NEK4: variants seen among roughly 807,000 people sequenced by gnomAD.
NEK4 encodes the protein NIMA related kinase 4.
Under a neutral mutation model 98.4 loss-of-function variants are expected in NEK4, and 86 were observed. That is an observed-to-expected ratio of 0.87 (90% CI 0.73 to 1.05). The LOEUF (loss-of-function observed/expected upper bound fraction) is 1.05, where lower values mean the gene tolerates loss of function less well. Among genes scored for constraint, NEK4 ranks in the 50% least tolerant of loss-of-function variants. NEK4 has a pLI of 0.00. For missense variants in NEK4, 898 were observed against 950.3 expected (o/e 0.94, Z 0.72); for synonymous variants, 328 against 342.2 (o/e 0.96, Z 0.46).
At chr3:52,756,526 A>G (rs2097415393) in intron 6 of NEK4, among the ~76,000 whole-genome samples, 1 of 152,224 alleles carries the variant, frequency 6.6e-6, no homozygotes, top group South Asian at 2.1e-4. Context: ...TTCAACAAAT[A>G]GTGCTGAAAA....
intron 2 of NEK4, among the ~76,000 whole-genome samples, 173 bp downstream of exon 2, chr3:52,768,165 T>C (rs577794895): frequency 3.9e-4 from 60 of 152,356 alleles, no homozygotes; most frequent in African/African-American, 1.4e-3. Context: ...AGGTATCACT[T>C]ACTTAGAAAA....
chr3:52,710,444 A>G lies in NEK4; in HGVS notation c.*1333T>C, dbSNP rs13079063. The G allele has an allele frequency of 0.46, 69,132 of 151,486 alleles. 16,084 individuals are homozygous for G. The highest frequency in any genetic ancestry group is 0.52 in the Admixed American group (7,944 of 15,204). 9.4% of individuals were successfully genotyped at this position (151,486 alleles called of 1,614,324 possible). A position where few individuals can be genotyped will look rare whatever the true frequency, so the allele number is the denominator to read the frequency against. On this transcript the variant is annotated 3_prime_UTR_variant, in exon 16 of 16. Transcript: ENST00000233027. The stretch of plus-strand genomic sequence containing the variant: ...TTGTGTGTGTGTGTAATTTTCAAAG[A>G]TAGATATATTTTTAGTTATAGAAAC...
chr3:52,719,367 C>G (rs1442536330), intron 15 of NEK4, among the ~76,000 whole-genome samples: 2 of 151,962 alleles, frequency 1.3e-5, no homozygotes, highest in African/African-American at 4.8e-5. Context: ...ATCTCAGATA[C>G]TGACATTGGA....
intron 4 of NEK4, among the ~76,000 whole-genome samples, chr3:52,764,655 C>T (rs930808846): frequency 1.3e-5 from 2 of 151,936 alleles, no homozygotes; most frequent in Non-Finnish European, 2.9e-5. Flanking sequence ...TTGCAGGTAC[C>T]GACTTGGAAG....
chr3:52,761,220 G>A (rs1424895952), intron 5 of NEK4, among the ~76,000 whole-genome samples: 2 of 152,064 alleles, frequency 1.3e-5, no homozygotes, highest in Non-Finnish European at 2.9e-5. Context: ...AGACATTAGA[G>A]AAAAAAACTG....
chr3:52,729,024 C>T (rs1302853307), intron 15 of NEK4, among the ~76,000 whole-genome samples: 2 of 152,166 alleles, frequency 1.3e-5, no homozygotes, highest in African/African-American at 4.8e-5. Flanking sequence ...AATATGTGCA[C>T]AGCTGAACAT....
chr3:52,752,385 T>A, intron 6 of NEK4, 49 bp from the exon 7 acceptor site: 1 of 1,533,842 alleles, frequency 6.5e-7, no homozygotes, highest in Non-Finnish European at 8.8e-7. Flanking sequence ...TCATATCTTA[T>A]ACAAAATCAA....
intron 15 of NEK4, among the ~76,000 whole-genome samples, chr3:52,736,611 T>C (rs1299151299): frequency 2.6e-5 from 4 of 151,788 alleles, no homozygotes; most frequent in Non-Finnish European, 5.9e-5. Flanking sequence ...AAAAGAATTA[T>C]AGTAAACACT....
chr3:52,726,338 C>T (rs1437629976), intron 15 of NEK4, among the ~76,000 whole-genome samples: 1 of 152,180 alleles, frequency 6.6e-6, no homozygotes, highest in African/African-American at 2.4e-5. Context: ...GTGGCTCACG[C>T]CTATAATCCC....
At chr3:52,748,775 T>A (rs1274651871) in intron 8 of NEK4, among the ~76,000 whole-genome samples, 4 of 152,176 alleles carry the variant, frequency 2.6e-5, no homozygotes, top group African/African-American at 9.6e-5. Flanking sequence ...TAGGACTATG[T>A]CTGATGCATA....
At chr3:52,737,542 A>C in intron 15 of NEK4, 44 bp downstream of exon 15, 1 of 1,602,440 alleles carries the variant, frequency 6.2e-7, no homozygotes, top group Non-Finnish European at 8.5e-7. Context: ...TGTTTAAAAA[A>C]TTCTATAACA....
At chr3:52,738,539 C>T (rs1384774554) in intron 14 of NEK4, among the ~76,000 whole-genome samples, 1 of 152,012 alleles carries the variant, frequency 6.6e-6, no homozygotes, top group Non-Finnish European at 1.5e-5. Flanking sequence ...CAGCCTCAAC[C>T]TCCTGGGTTC....
intron 6 of NEK4, among the ~76,000 whole-genome samples, chr3:52,758,838 A>T (rs1275400799): frequency 6.6e-6 from 1 of 152,124 alleles, no homozygotes; most frequent in Non-Finnish European, 1.5e-5. Context: ...GATGTGGCTC[A>T]TACCTGTAAT....
At chr3:52,763,384 A>G (rs1698428800) in intron 5 of NEK4, 86 bp downstream of exon 5, 5 of 1,308,800 alleles carry the variant, frequency 3.8e-6, no homozygotes, top group Non-Finnish European at 4.2e-6. Context: ...AAAACTCACC[A>G]TTAATTCTTG....
chr3:52,754,715 C>T (rs2097411672), intron 6 of NEK4: 2 of 516,680 alleles, frequency 3.9e-6, no homozygotes, highest in Non-Finnish European at 7.8e-6. Flanking sequence ...ATCTGGTACA[C>T]CATGCACTTT....
chr3:52,761,407 T>C lies in NEK4; in HGVS notation c.822-471A>G, dbSNP rs180860137. 3.8e-3 allele frequency among the ~76,000 whole-genome samples: 584 copies of C among 152,154 alleles called. 3 individuals are homozygous for C. Among genetic ancestry groups the C allele is most frequent in the South Asian group, 0.018 (89 of 4,822 alleles). On this transcript the variant is annotated intron_variant, in intron 5 of 15. Coordinates refer to ENST00000233027, the MANE Select transcript of NEK4 (RefSeq NM_003157.6). ...GATTCTTGTGCCTCAGCCTCCCGAG[T>C]AGCTGGGACTACAGGTGCACGCCAC...
chr3:52,769,729 G>A (rs1049389885), intron 1 of NEK4, among the ~76,000 whole-genome samples: 1 of 152,160 alleles, frequency 6.6e-6, no homozygotes, highest in African/African-American at 2.4e-5. Context: ...CTACTGTCCT[G>A]GTGTAACTAT....
chr3:52,739,663 T>A, intron 13 of NEK4, 29 bp from the exon 14 acceptor site: 1 of 1,564,474 alleles, frequency 6.4e-7, no homozygotes, highest in Non-Finnish European at 8.8e-7. Flanking sequence ...CCTTTGTTAT[T>A]TAATTGGCTT....
At chr3:52,736,308 C>T (rs1423219634) in intron 15 of NEK4, among the ~76,000 whole-genome samples, 3 of 152,074 alleles carry the variant, frequency 2.0e-5, no homozygotes, top group South Asian at 4.1e-4. Flanking sequence ...TATAGCAGGC[C>T]GGGCCTGGTG....
Sources: allele counts gnomAD v4.1 joint callset (sites outside exome capture counted in the v4.1 genomes callset), GRCh38; gene constraint gnomAD v4.1.1; transcripts MANE v1.5; gene names NCBI Gene and HGNC (gene_info 2026-07-23, HGNC 2026-07-21).